The following GNG7 variants were observed in gnomAD, a reference collection of about 807,000 sequenced individuals.
GNG7 encodes guanine nucleotide-binding protein G(I)/G(S)/G(O) subunit gamma-7.
A neutral mutation model predicts 4.0 loss-of-function variants in GNG7; 1 was observed. The ratio of observed to expected loss-of-function variants is 0.25; its 90% CI spans 0.09 to 1.18. The LOEUF (loss-of-function observed/expected upper bound fraction) is 1.18. Ranked by LOEUF, GNG7 falls within the 50% of genes most tolerant of loss-of-function variation. The pLI is 0.50. For synonymous variants in GNG7, 34 were observed against 36.9 expected, an observed-to-expected ratio of 0.92 and a Z score of 0.29; for missense variants, 86 against 91.9, an observed-to-expected ratio of 0.94 and a Z score of 0.26.
At chr19:2,696,938 C>T (rs1337846793) in intron 1 of GNG7, among the ~76,000 whole-genome samples, 2 of 152,172 alleles carry the variant, frequency 1.3e-5, no homozygotes, top group Admixed American at 6.5e-5. Context: ...CCGCAACCTC[C>T]GCCTCCCAGG....
intron 1 of GNG7, among the ~76,000 whole-genome samples, chr19:2,686,958 T>C (rs908320569): frequency 6.6e-6 from 1 of 151,752 alleles, no homozygotes; most frequent in African/African-American, 2.4e-5. Context: ...TTCACCGTGT[T>C]AGCCAGGATG....
At chr19:2,647,921 G>C (rs923837093) in intron 1 of GNG7, among the ~76,000 whole-genome samples, 1 of 150,966 alleles carries the variant, frequency 6.6e-6, no homozygotes, top group Non-Finnish European at 1.5e-5. Flanking sequence ...CCAGCTACTT[G>C]GGAGGCTGAG....
At chr19:2,520,003 A>G (rs140418342) in intron 4 of GNG7, among the ~76,000 whole-genome samples, 2,065 of 152,140 alleles carry the variant, frequency 0.014, 42 homozygotes, top group African/African-American at 0.047. Context: ...AACATGGCGA[A>G]ACGCCGTCTC....
chr19:2,622,876 G>C (rs1217287304), intron 2 of GNG7, among the ~76,000 whole-genome samples: 1 of 152,272 alleles, frequency 6.6e-6, no homozygotes, highest in Admixed American at 6.5e-5. Context: ...AGAGAGGAGG[G>C]CTTTGTTTTC....
intron 1 of GNG7, among the ~76,000 whole-genome samples, chr19:2,675,759 G>A (rs574702989): frequency 6.9e-4 from 105 of 152,306 alleles, no homozygotes; most frequent in African/African-American, 2.4e-3. Context: ...TATGGAGTGG[G>A]TGGAGGCCAG....
chr19:2,657,399 T>TACACACACACAC (rs60342985), intron 1 of GNG7, among the ~76,000 whole-genome samples: 2 of 80,748 alleles, frequency 2.5e-5, no homozygotes, highest in African/African-American at 1.2e-4. Flanking sequence ...TATATATATA[T>TACACACACACAC]ACACATAATA....
At chr19:2,577,033 C>T (rs972581034) in intron 2 of GNG7, among the ~76,000 whole-genome samples, 5 of 152,200 alleles carry the variant, frequency 3.3e-5, no homozygotes, top group African/African-American at 4.8e-5. Context: ...AGGGCTGTCC[C>T]GTGTGCAAAG....
intron 3 of GNG7, among the ~76,000 whole-genome samples, chr19:2,553,800 A>G (rs898753104): frequency 9.2e-5 from 11 of 119,150 alleles, no homozygotes; most frequent in African/African-American, 1.9e-4. Flanking sequence ...TGTACGTATC[A>G]TGTGTAATAT....
chr19:2,527,458 G>A (rs2030059664), intron 3 of GNG7, among the ~76,000 whole-genome samples: 1 of 152,232 alleles, frequency 6.6e-6, no homozygotes, highest in Non-Finnish European at 1.5e-5. Context: ...GTCCCCACTG[G>A]GAGGAGGAGA....
rs2144845642 is a variant in GNG7 at position 2,633,716 on chromosome 19, G to A, written c.-78+12508C>T. The stretch of plus-strand genomic sequence containing the variant: ...AACGGGTGTCTGTTTACCGGGGCTT[G>A]AGTGGGAGCTGTAGTAATTCTGTCC... On this transcript the variant is annotated intron_variant, in intron 2 of 4. Coordinates refer to ENST00000382159, the MANE Select transcript of GNG7 (RefSeq NM_052847.3). This position sits in a 1 kb window ranked among gnomAD's most constrained non-coding sequence, Gnocchi z 5.9. 6.6e-6 allele frequency among the ~76,000 whole-genome samples: 1 copy of A among 152,120 alleles called. No homozygotes were observed. The highest frequency in any genetic ancestry group is 1.5e-5 in the Non-Finnish European group (1 of 68,014).
At chr19:2,699,516 C>A (rs73920495) in intron 1 of GNG7, among the ~76,000 whole-genome samples, 10,397 of 152,210 alleles carry the variant, frequency 0.068, 656 homozygotes, top group African/African-American at 0.17. Context: ...CGAATGACAG[C>A]ACTAAATGAC....
chr19:2,552,123 C>T (rs948412918), intron 3 of GNG7, among the ~76,000 whole-genome samples: 2 of 152,006 alleles, frequency 1.3e-5, no homozygotes, highest in African/African-American at 2.4e-5. Flanking sequence ...CTTGGTTGCA[C>T]GCTCCTTATG....
At chr19:2,625,350 G>A (rs898573640) in intron 2 of GNG7, among the ~76,000 whole-genome samples, 2 of 152,138 alleles carry the variant, frequency 1.3e-5, no homozygotes, top group Non-Finnish European at 2.9e-5. Flanking sequence ...GGGATTATAG[G>A]TGTGAGCCAC....
chr19:2,611,007 G>C lies in GNG7; in HGVS notation c.-78+35217C>G, dbSNP rs1473299936. 1.9e-5 allele frequency: 2 copies of C among 106,234 alleles called. No homozygotes were observed. Among genetic ancestry groups the C allele is most frequent in the Non-Finnish European group, 3.8e-5 (2 of 52,760 alleles). 6.6% of individuals were successfully genotyped at this position (106,234 alleles called of 1,614,324 possible). A position where few individuals can be genotyped will look rare whatever the true frequency, so the allele number is the denominator to read the frequency against. On this transcript the variant is annotated intron_variant, in intron 2 of 4. Coordinates refer to ENST00000382159, the MANE Select transcript of GNG7 (RefSeq NM_052847.3). The surrounding 1 kb of genome is among the most constrained non-coding windows in gnomAD (Gnocchi z 6.0). ...GAACGGGCTCACGTGCCAGGCTCGGGGGGGGGGAAGCGTCCTCAACATTCT... is the reference window on the plus strand; with the variant it reads ...GAACGGGCTCACGTGCCAGGCTCGGCGGGGGGGAAGCGTCCTCAACATTCT...
intron 2 of GNG7, among the ~76,000 whole-genome samples, chr19:2,606,191 C>T (rs1231345250): frequency 6.6e-6 from 1 of 152,074 alleles, no homozygotes; most frequent in Non-Finnish European, 1.5e-5. Context: ...CCAGCCTGGG[C>T]AACATAGTGA....
intron 2 of GNG7, among the ~76,000 whole-genome samples, chr19:2,637,400 G>A (rs1982345265): frequency 6.6e-6 from 1 of 151,744 alleles, no homozygotes; most frequent in African/African-American, 2.4e-5. Context: ...GACCCCCGCA[G>A]GCGCCTGCAC....
chr19:2,613,610 G>C (rs1223161841), intron 2 of GNG7, among the ~76,000 whole-genome samples: 1 of 152,058 alleles, frequency 6.6e-6, no homozygotes, highest in African/African-American at 2.4e-5. Flanking sequence ...GTCTCTTGGG[G>C]AATCTGTGGA....
At chr19:2,697,118 G>A (rs1449861130) in intron 1 of GNG7, among the ~76,000 whole-genome samples, 1 of 152,182 alleles carries the variant, frequency 6.6e-6, no homozygotes, top group East Asian at 1.9e-4. Context: ...TGGGATCACA[G>A]GAATGTTCTG....
intron 1 of GNG7, among the ~76,000 whole-genome samples, chr19:2,681,154 A>G (rs1322316301): frequency 1.4e-5 from 2 of 143,268 alleles, no homozygotes; most frequent in Non-Finnish European, 3.1e-5. Context: ...GCTAATTTTT[A>G]TTTTTATTTT....
Sources: gnomAD v4.1 joint callset for allele counts (sites outside exome capture counted in the v4.1 genomes callset) on GRCh38, gnomAD v4.1.1 for gene constraint, Gnocchi (gnomAD v3.1) non-coding constraint, MANE v1.5 for transcripts, NCBI Gene and HGNC (gene_info 2026-07-23, HGNC 2026-07-21) for gene names.